The following ADAM18 variants were observed in gnomAD, a reference collection of about 807,000 sequenced individuals.
ADAM18 encodes ADAM metallopeptidase domain 18.
ADAM18 carries 117 observed loss-of-function variants against 94.4 expected under a neutral mutation model. The observed-to-expected ratio is 1.24, with a 90% CI of 1.07 to 1.45. The LOEUF is 1.45. Among genes scored for constraint, ADAM18 ranks in the 40% most tolerant of loss-of-function variants. The pLI is 0.00. For synonymous variants in ADAM18, 327 were observed against 291.6 expected, an observed-to-expected ratio of 1.12 and a Z score of -1.24; for missense variants, 936 against 880.0, an observed-to-expected ratio of 1.06 and a Z score of -0.81.
chr8:39,690,268 C>A (rs1454551812), intron 16 of ADAM18, among the ~76,000 whole-genome samples: 1 of 151,988 alleles, frequency 6.6e-6, no homozygotes, highest in Non-Finnish European at 1.5e-5. Flanking sequence ...GGCACTCCAG[C>A]ATGTGGCACC....
intron 9 of ADAM18, among the ~76,000 whole-genome samples, chr8:39,637,906 G>A (rs1820130096): frequency 6.6e-6 from 1 of 151,940 alleles, no homozygotes. Flanking sequence ...ATAGTTTGGA[G>A]TGTAAGTATT....
chr8:39,659,356 C>G (rs925252630), intron 12 of ADAM18, among the ~76,000 whole-genome samples: 1 of 150,750 alleles, frequency 6.6e-6, no homozygotes, highest in Admixed American at 6.6e-5. Context: ...TCCCCTAGTA[C>G]TGGAATGAAT....
chr8:39,695,511 ACT>A (rs1161745683), intron 17 of ADAM18, among the ~76,000 whole-genome samples: 1 of 151,112 alleles, frequency 6.6e-6, no homozygotes, highest in African/African-American at 2.4e-5. Flanking sequence ...CTTTTATTAC[ACT>A]TTTTTGAAAT....
intron 12 of ADAM18, among the ~76,000 whole-genome samples, chr8:39,654,903 G>A (rs1003077653): frequency 5.3e-5 from 8 of 151,956 alleles, no homozygotes; most frequent in East Asian, 3.9e-4. Flanking sequence ...TTTGCTATTC[G>A]GTTGTTTGAG....
chr8:39,608,322 T>G (rs1210995121), intron 3 of ADAM18, among the ~76,000 whole-genome samples: 1 of 151,840 alleles, frequency 6.6e-6, no homozygotes, highest in African/African-American at 2.4e-5. Flanking sequence ...CAGATTATTC[T>G]CAACACAGTG....
chr8:39,720,707 T>A (rs949012810), intron 18 of ADAM18, among the ~76,000 whole-genome samples: 1 of 151,338 alleles, frequency 6.6e-6, no homozygotes, highest in African/African-American at 2.4e-5. Context: ...TCATTTTATA[T>A]GAGGAATAAC....
intron 16 of ADAM18, among the ~76,000 whole-genome samples, chr8:39,688,419 G>T (rs1395506383): frequency 6.6e-6 from 1 of 151,992 alleles, no homozygotes; most frequent in Non-Finnish European, 1.5e-5. Flanking sequence ...ACTGTGTGTT[G>T]TTCCCTTCTA....
chr8:39,637,336 G>C lies in ADAM18; in HGVS notation c.660+1G>C. On this transcript the variant is annotated splice_donor_variant, in intron 8 of 19. Transcript: ENST00000265707. LOFTEE classifies it high-confidence loss of function. ...CCAGGTTATTGGGCTTGTCAACACT[G>C]TAAGTTTTTACTTTTTCACATTTCC... 1 of 1,595,946 alleles carries C rather than the reference G, an allele frequency of 6.3e-7. No individual in the cohort carries two copies. The highest frequency in any genetic ancestry group is 8.5e-7 in the Non-Finnish European group (1 of 1,172,080).
At chr8:39,662,975 T>G (rs1191424022) in intron 12 of ADAM18, among the ~76,000 whole-genome samples, 1 of 152,204 alleles carries the variant, frequency 6.6e-6, no homozygotes, top group Non-Finnish European at 1.5e-5. Context: ...ATAATAGGTA[T>G]AGTCTTTTTT....
rs760809106 is a variant in ADAM18 at position 39,637,274 on chromosome 8, T to C, written c.599T>C (p.Met200Thr). The change falls in exon 8 of 20, where the codon ATG (methionine) becomes ACG (threonine). Residue 200 changes from methionine to threonine, a missense_variant. Coordinates refer to ENST00000265707, the MANE Select transcript of ADAM18 (RefSeq NM_014237.3). The part of the protein sequence containing the change: ...IIVEKALYDY[M>T]GSEMMAVTQK... ...AAATTTCTTTTTCAGTATGATTATA[T>C]GGGATCTGAAATGATGGCTGTAACA... The C allele has an allele frequency of 1.2e-6, 2 of 1,603,078 alleles. No homozygotes were observed. The highest frequency in any genetic ancestry group is 1.7e-6 in the Non-Finnish European group (2 of 1,174,150).
At chr8:39,618,264 G>A (rs1032161895) in intron 6 of ADAM18, among the ~76,000 whole-genome samples, 4 of 152,082 alleles carry the variant, frequency 2.6e-5, no homozygotes, top group South Asian at 2.1e-4. Context: ...GGGGGTCACC[G>A]CCTTCTGGTC....
At chr8:39,714,260 C>T (rs1822505672) in intron 18 of ADAM18, among the ~76,000 whole-genome samples, 1 of 151,980 alleles carries the variant, frequency 6.6e-6, no homozygotes, top group Non-Finnish European at 1.5e-5. Context: ...GGTTGCAGGG[C>T]AGGGAACATC....
intron 2 of ADAM18, among the ~76,000 whole-genome samples, chr8:39,587,903 G>A (rs2129457947): frequency 6.6e-6 from 1 of 152,226 alleles, no homozygotes; most frequent in South Asian, 2.1e-4. Context: ...GTTCCAATAT[G>A]TTTATATGCC....
intron 11 of ADAM18, among the ~76,000 whole-genome samples, chr8:39,646,948 G>A (rs1820397421): frequency 6.6e-6 from 1 of 152,124 alleles, no homozygotes; most frequent in South Asian, 2.1e-4. Context: ...GATCTCTCTG[G>A]AGGGTAACAT....
intron 16 of ADAM18, among the ~76,000 whole-genome samples, chr8:39,681,009 C>G (rs2053579486): frequency 6.6e-6 from 1 of 152,162 alleles, no homozygotes; most frequent in Non-Finnish European, 1.5e-5. Context: ...CTCAGTGATC[C>G]CACTTTCTGT....
At chr8:39,661,192 G>T (rs1305809533) in intron 12 of ADAM18, among the ~76,000 whole-genome samples, 1 of 127,712 alleles carries the variant, frequency 7.8e-6, no homozygotes. Context: ...TCGGTTTGTC[G>T]CCCAGGCTGG....
rs1820445986 is a variant in ADAM18 at position 39,648,512 on chromosome 8, CTG to C, written c.1218_1219del (p.Cys406TrpfsTer2). The C allele has an allele frequency of 6.3e-7, 1 of 1,599,170 alleles. No individual in the cohort carries two copies. ...GILESNEECD[C>X]GNKNECQFKK... ...TTTTGGAATCCAATGAAGAATGTGA[CTG>C]TGGTAATAAAAATGTGAGTAACAAA... On this transcript the variant is annotated frameshift_variant, in exon 12 of 20. Coordinates refer to ENST00000265707, the MANE Select transcript of ADAM18 (RefSeq NM_014237.3). LOFTEE classifies it high-confidence loss of function.
At chr8:39,620,357 C>CAAAAAAAAAAAAAAAAAAAAAAAA (rs61555393) in intron 6 of ADAM18, among the ~76,000 whole-genome samples, 21 of 90,562 alleles carry the variant, frequency 2.3e-4, no homozygotes, top group Non-Finnish European at 3.3e-4. Context: ...GCAACAAAAG[C>CAAAAAAAAAAAAAAAAAAAAAAAA]AAAAAAAAAA....
At chr8:39,609,846 C>G (rs77819780) in intron 5 of ADAM18, among the ~76,000 whole-genome samples, 1,740 of 152,086 alleles carry the variant, frequency 0.011, 40 homozygotes, top group African/African-American at 0.04. Context: ...TCTGTTTTCT[C>G]AAATAGTTAT....
Sources: gnomAD v4.1 joint callset for allele counts (sites outside exome capture counted in the v4.1 genomes callset) on GRCh38, gnomAD v4.1.1 for gene constraint, MANE v1.5 for transcripts, NCBI Gene and HGNC (gene_info 2026-07-23, HGNC 2026-07-21) for gene names.